ADAMTS3: variants seen among roughly 807,000 people sequenced by gnomAD.
ADAMTS3 encodes the protein ADAM metallopeptidase with thrombospondin type 1 motif 3, also known as A disintegrin and metalloproteinase with thrombospondin motifs 3.
ADAMTS3 carries 73 observed loss-of-function variants against 129.0 expected under a neutral mutation model. That is an observed-to-expected ratio of 0.57 (90% CI 0.47 to 0.69). The LOEUF (loss-of-function observed/expected upper bound fraction) is 0.69. Among genes scored for constraint, ADAMTS3 ranks in the 30% least tolerant of loss-of-function variants. The pLI, the probability that ADAMTS3 is intolerant of heterozygous loss-of-function variation, is 0.00. For synonymous variants in ADAMTS3, 477 were observed against 510.8 expected, an observed-to-expected ratio of 0.93 and a Z score of 0.89; for missense variants, 1,457 against 1,514.5, an observed-to-expected ratio of 0.96 and a Z score of 0.63.
Position 72,555,952 on chromosome 4 carries a change from CT to C in ADAMTS3, c.98-7069del, listed in dbSNP as rs776405263. 4.0e-5 allele frequency among the ~76,000 whole-genome samples: 6 copies of C among 151,710 alleles called. 1 individual carries two copies. Among genetic ancestry groups the C allele is most frequent in the African/African-American group, 9.8e-5 (4 of 41,020 alleles). ...GATTGTACATTTCCTGAGGTCCCCCCTGTCATGCCTCCTGTATAGCCTATGG... is the reference window on the plus strand; with the variant it reads ...GATTGTACATTTCCTGAGGTCCCCCCGTCATGCCTCCTGTATAGCCTATGG... On this transcript the variant is annotated intron_variant, in intron 2 of 21. Coordinates refer to ENST00000286657, the MANE Select transcript of ADAMTS3 (RefSeq NM_014243.3).
At chr4:72,365,782 GA>G (rs1217436429) in intron 4 of ADAMTS3, among the ~76,000 whole-genome samples, 1 of 152,108 alleles carries the variant, frequency 6.6e-6, no homozygotes, top group African/African-American at 2.4e-5. Flanking sequence ...TTAATGTATA[GA>G]ATTTTGGTTT....
chr4:72,471,971 T>A (rs1719085722), intron 3 of ADAMTS3, among the ~76,000 whole-genome samples: 1 of 151,958 alleles, frequency 6.6e-6, no homozygotes, highest in South Asian at 2.1e-4. Flanking sequence ...AAGAAAGCTA[T>A]CAGTAGAGAT....
intron 4 of ADAMTS3, among the ~76,000 whole-genome samples, chr4:72,348,766 G>A (rs1175293715): frequency 6.6e-6 from 1 of 151,634 alleles, no homozygotes; most frequent in African/African-American, 2.4e-5. Context: ...GATGGATTCT[G>A]CTCCTGGACA....
intron 2 of ADAMTS3, among the ~76,000 whole-genome samples, chr4:72,554,763 T>G (rs1721722471): frequency 6.6e-6 from 1 of 151,800 alleles, no homozygotes; most frequent in Non-Finnish European, 1.5e-5. Flanking sequence ...ACACAGAATT[T>G]CTCACTACTA....
chr4:72,368,695 CAAAATGACTTCAG>C (rs1720930277), intron 4 of ADAMTS3, among the ~76,000 whole-genome samples: 1 of 152,104 alleles, frequency 6.6e-6, no homozygotes, highest in Non-Finnish European at 1.5e-5. Context: ...TGATTGATGC[CAAAATGACTTCAG>C]AACAAGCCTA....
At chr4:72,319,502 A>G in intron 8 of ADAMTS3, 27 bp from the exon 9 acceptor site, 1 of 1,596,184 alleles carries the variant, frequency 6.3e-7, no homozygotes, top group Non-Finnish European at 8.5e-7. Context: ...CCTCAGTGGT[A>G]AGAATCAGGG....
intron 8 of ADAMTS3, 23 bp from the exon 9 acceptor site, chr4:72,319,498 T>A (rs1719495952): frequency 6.3e-7 from 1 of 1,597,860 alleles, no homozygotes; most frequent in African/African-American, 1.4e-5. Context: ...GAGACCTCAG[T>A]GGTAAGAATC....
At chr4:72,487,730 T>C (rs1719628847) in intron 3 of ADAMTS3, among the ~76,000 whole-genome samples, 2 of 152,076 alleles carry the variant, frequency 1.3e-5, no homozygotes, top group Admixed American at 1.3e-4. Flanking sequence ...TTCTATATGC[T>C]GACAAGCACA....
chr4:72,426,796 G>A (rs1722585429), intron 3 of ADAMTS3, among the ~76,000 whole-genome samples: 1 of 151,974 alleles, frequency 6.6e-6, no homozygotes, highest in Non-Finnish European at 1.5e-5. Flanking sequence ...GAGAGGCTGA[G>A]ATGAGAGGAC....
chr4:72,304,869 G>C (rs1299588111), intron 16 of ADAMTS3, among the ~76,000 whole-genome samples: 1 of 151,910 alleles, frequency 6.6e-6, no homozygotes, highest in African/African-American at 2.4e-5. Context: ...GCTTTAAACT[G>C]GTCTATTTTT....
At chr4:72,352,515 T>TTCTTGAAC (rs1260326664) in intron 4 of ADAMTS3, among the ~76,000 whole-genome samples, 1 of 152,050 alleles carries the variant, frequency 6.6e-6, no homozygotes, top group Admixed American at 6.6e-5. Flanking sequence ...TTCAAAACAT[T>TTCTTGAAC]TCTTGAACAC....
chr4:72,413,624 C>A (rs532447586), intron 4 of ADAMTS3, among the ~76,000 whole-genome samples: 1 of 151,906 alleles, frequency 6.6e-6, no homozygotes, highest in Non-Finnish European at 1.5e-5. Flanking sequence ...CTACCTTCAG[C>A]AATTTGCATA....
intron 3 of ADAMTS3, among the ~76,000 whole-genome samples, chr4:72,533,724 A>G (rs948512310): frequency 1.2e-5 from 1 of 86,408 alleles, no homozygotes; most frequent in African/African-American, 4.1e-5. Flanking sequence ...TTATTTCCAC[A>G]TCTCATTAGG....
chr4:72,510,526 C>A (rs1720284541), intron 3 of ADAMTS3, among the ~76,000 whole-genome samples: 1 of 151,522 alleles, frequency 6.6e-6, no homozygotes, highest in Non-Finnish European at 1.5e-5. Flanking sequence ...TTTACAATAG[C>A]CACACATAAA....
intron 3 of ADAMTS3, among the ~76,000 whole-genome samples, chr4:72,444,222 T>C (rs1260133598): frequency 6.6e-6 from 1 of 151,536 alleles, no homozygotes; most frequent in African/African-American, 2.4e-5. Context: ...AAACAAATCA[T>C]AAAAGAATTC....
At chr4:72,319,544 A>C in intron 8 of ADAMTS3, 69 bp from the exon 9 acceptor site, 1 of 1,527,456 alleles carries the variant, frequency 6.5e-7, no homozygotes, top group Non-Finnish European at 8.8e-7. Flanking sequence ...TGGTTTTGAA[A>C]ATAAGCCCTG....
chr4:72,371,161 A>T (rs1162755358), intron 4 of ADAMTS3, among the ~76,000 whole-genome samples: 1 of 152,150 alleles, frequency 6.6e-6, no homozygotes, highest in Non-Finnish European at 1.5e-5. Flanking sequence ...AACTCTGCTG[A>T]CATTTGTATT....
intron 4 of ADAMTS3, among the ~76,000 whole-genome samples, chr4:72,374,342 TTTGAATCACC>T (rs1269618454): frequency 6.6e-6 from 1 of 152,076 alleles, no homozygotes; most frequent in African/African-American, 2.4e-5. Flanking sequence ...CTTGCTATGC[TTTGAATCACC>T]CAAGCCAAGA....
intron 3 of ADAMTS3, among the ~76,000 whole-genome samples, chr4:72,482,726 G>T (rs901904589): frequency 1.3e-5 from 2 of 152,026 alleles, no homozygotes; most frequent in African/African-American, 4.8e-5. Context: ...TCTCAAAAAG[G>T]TTTAATTTAA....
Sources: allele counts gnomAD v4.1 joint callset (sites outside exome capture counted in the v4.1 genomes callset), GRCh38; gene constraint gnomAD v4.1.1; transcripts MANE v1.5; gene names NCBI Gene and HGNC (gene_info 2026-07-23, HGNC 2026-07-21).